FHAD1: variants seen among roughly 807,000 people sequenced by gnomAD.
FHAD1 encodes forkhead associated phosphopeptide binding domain 1.
In FHAD1, 146 loss-of-function variants were observed where a neutral mutation model predicts 191.3. The ratio of observed to expected loss-of-function variants is 0.76; its 90% confidence interval spans 0.67 to 0.88. FHAD1 has a LOEUF of 0.88. Ranked by LOEUF, FHAD1 falls within the 40% of genes least tolerant of loss-of-function variation. The pLI is 0.00. For missense variants in FHAD1, 1,635 were observed against 1,785.8 expected, an observed-to-expected ratio of 0.92 and a Z score of 1.52; for synonymous variants, 616 against 672.3, an observed-to-expected ratio of 0.92 and a Z score of 1.29.
At position 15,352,894 on chromosome 1, in the gene FHAD1, T is replaced by G; in HGVS notation, c.2472T>G (p.Ile824Met). The change falls in exon 20 of 34, where the codon ATT becomes ATG. Residue 824 changes from isoleucine to methionine, a missense_variant. By Grantham distance (10) the Ile-to-Met change is conservative. Coordinates refer to ENST00000688493, the MANE Select transcript of FHAD1 (RefSeq NM_001391957.1). ...TQQKEISESN[I>M]AYEKRKAKEA... The stretch of plus-strand genomic sequence containing the variant: ...ACTTCCAGATCTCAGAGAGCAACAT[T>G]GCGTACGAGAAACGCAAAGCAAAGG... The G allele has an allele frequency of 6.4e-7, 1 of 1,551,370 alleles. No homozygotes were observed. Among genetic ancestry groups the G allele is most frequent in the Non-Finnish European group, 8.7e-7 (1 of 1,146,922 alleles).
intron 7 of FHAD1, among the ~76,000 whole-genome samples, chr1:15,310,208 C>T (rs775102116): frequency 4.6e-5 from 7 of 152,188 alleles, no homozygotes; most frequent in African/African-American, 9.7e-5. Context: ...GAAACATGCC[C>T]GTGGCTGTGA....
chr1:15,243,063 G>T (rs1645580677), upstream of FHAD1, among the ~76,000 whole-genome samples: 1 of 152,160 alleles, frequency 6.6e-6, no homozygotes, highest in Non-Finnish European at 1.5e-5. Context: ...ACAGCAAAGC[G>T]CAAGGAACCA....
chr1:15,365,481 A>ATTTTTTTTCTTT (rs1696113498), intron 23 of FHAD1, among the ~76,000 whole-genome samples: 1 of 112,784 alleles, frequency 8.9e-6, no homozygotes, highest in East Asian at 2.3e-4. Context: ...TGCCTGGCTA[A>ATTTTTTTTCTTT]TTTTTTTTTT....
intron 18 of FHAD1, 131 bp from the exon 19 acceptor site, chr1:15,348,911 G>A: frequency 1.6e-6 from 1 of 639,966 alleles, no homozygotes. Flanking sequence ...CAGGGGCCCA[G>A]GTGTATTTAA....
rs1678008323 is a variant in FHAD1 at position 15,325,294 on chromosome 1, G to A, written c.1473+735G>A. On this transcript the variant is annotated intron_variant, in intron 11 of 33. Coordinates refer to ENST00000688493, the MANE Select transcript of FHAD1 (RefSeq NM_001391957.1). The surrounding 1 kb of genome is among the most constrained non-coding windows in gnomAD (Gnocchi z 4.6). ...TCTCCTGGAAACCATGACTCCAGGG[G>A]ATCCACAGAATGGTTTGCACACACA... is the stretch of plus-strand genomic sequence containing the variant. 6.6e-6 allele frequency: 1 copy of A among 152,118 alleles called. No homozygotes were observed. Among genetic ancestry groups the A allele is most frequent in the Non-Finnish European group, 1.5e-5 (1 of 68,124 alleles). The allele number at this position is 152,118 out of a possible 1,614,324, so 9.4% of individuals were successfully genotyped here.
chr1:15,292,766 G>C (rs969964969), intron 4 of FHAD1, among the ~76,000 whole-genome samples: 1 of 151,998 alleles, frequency 6.6e-6, no homozygotes, highest in Non-Finnish European at 1.5e-5. Flanking sequence ...GAAGCCACCC[G>C]GCCAACACCT....
chr1:15,395,357 C>G (rs1196500412), intron 33 of FHAD1, among the ~76,000 whole-genome samples: 2 of 151,398 alleles, frequency 1.3e-5, no homozygotes, highest in Non-Finnish European at 2.9e-5. Context: ...ATAGCCCAGG[C>G]ATCGTCTCTC....
At chr1:15,251,726 A>G (rs1360060856) in intron 1 of FHAD1, 45 bp from the exon 2 acceptor site, 11 of 1,406,592 alleles carry the variant, frequency 7.8e-6, no homozygotes, top group Non-Finnish European at 1.1e-5. Flanking sequence ...GAATAATTAG[A>G]GAACTACATT....
intron 3 of FHAD1, among the ~76,000 whole-genome samples, chr1:15,280,438 A>G (rs1044373741): frequency 2.0e-5 from 3 of 152,146 alleles, no homozygotes; most frequent in Admixed American, 1.3e-4. Flanking sequence ...CCTCAGGCAC[A>G]ATGTCCTCGG....
intron 2 of FHAD1, among the ~76,000 whole-genome samples, chr1:15,269,622 C>T (rs1655028407): frequency 6.6e-6 from 1 of 152,144 alleles, no homozygotes; most frequent in African/African-American, 2.4e-5. Context: ...CCAAGAAGAA[C>T]GTGCACCTTG....
intron 14 of FHAD1, chr1:15,335,611 T>A (rs1376683864): frequency 6.6e-6 from 1 of 152,180 alleles, no homozygotes; most frequent in Non-Finnish European, 1.5e-5. Flanking sequence ...GTTCAACAAC[T>A]GTTCATTGAG....
rs1181271726 is a variant in FHAD1, at chr1:15,339,554, A to C, written c.1977+3A>C. On this transcript the variant is annotated splice_donor_region_variant and intron_variant, in intron 15 of 33. Coordinates refer to ENST00000688493, the MANE Select transcript of FHAD1 (RefSeq NM_001391957.1). ...TGAGCCAGGCCCAGGAACTTCAGGT[A>C]ATTCTTTTAATTTCTTTTTTTCCAA... The C allele has an allele frequency of 7.9e-7, 1 of 1,265,700 alleles. No individual in the cohort carries two copies. The highest frequency in any genetic ancestry group is 1.0e-6 in the Non-Finnish European group (1 of 961,648). 78.4% of individuals were successfully genotyped at this position (1,265,700 alleles called of 1,614,324 possible).
chr1:15,361,198 G>T (rs1694691646), intron 22 of FHAD1, among the ~76,000 whole-genome samples: 1 of 152,208 alleles, frequency 6.6e-6, no homozygotes, highest in Non-Finnish European at 1.5e-5. Flanking sequence ...CTGTATTATT[G>T]TAAGCTCTTG....
chr1:15,257,338 G>A (rs769922945), intron 2 of FHAD1, among the ~76,000 whole-genome samples: 6 of 152,208 alleles, frequency 3.9e-5, no homozygotes, highest in Non-Finnish European at 7.3e-5. Context: ...CATGGTATCC[G>A]TGACATTTTA....
At chr1:15,266,560 T>C (rs1031527067) in intron 2 of FHAD1, among the ~76,000 whole-genome samples, 13 of 152,320 alleles carry the variant, frequency 8.5e-5, no homozygotes, top group African/African-American at 3.1e-4. Flanking sequence ...GATACATTTG[T>C]TGCAATTGAT....
intron 14 of FHAD1, among the ~76,000 whole-genome samples, chr1:15,330,613 G>A (rs947289295): frequency 2.6e-5 from 4 of 152,136 alleles, no homozygotes; most frequent in Non-Finnish European, 4.4e-5. Context: ...TGCAGGGTTC[G>A]ATCTGGTCAG....
intron 19 of FHAD1, 54 bp downstream of exon 19, chr1:15,349,203 C>A: frequency 7.5e-7 from 1 of 1,337,192 alleles, no homozygotes; most frequent in South Asian, 1.3e-5. Flanking sequence ...AGCCAGATCC[C>A]TGGGAGAGTA....
intron 14 of FHAD1, among the ~76,000 whole-genome samples, chr1:15,338,546 G>C (rs974113050): frequency 6.6e-5 from 10 of 152,160 alleles, no homozygotes; most frequent in African/African-American, 2.4e-4. Context: ...TATTTGCCAA[G>C]CTCTTTTTGC....
At chr1:15,362,242 C>T (rs1292176199) in intron 22 of FHAD1, among the ~76,000 whole-genome samples, 3 of 152,164 alleles carry the variant, frequency 2.0e-5, no homozygotes, top group African/African-American at 7.2e-5. Context: ...ACGCTAGAGG[C>T]GGTGCACTGA....
Sources: allele counts gnomAD v4.1 joint callset (sites outside exome capture counted in the v4.1 genomes callset), GRCh38; gene constraint gnomAD v4.1.1; non-coding constraint Gnocchi (gnomAD v3.1); transcripts MANE v1.5; gene names NCBI Gene and HGNC (gene_info 2026-07-23, HGNC 2026-07-21).